Variants in BACH2 observed in about 807,000 individuals in gnomAD.
BACH2 encodes the protein transcription regulator protein BACH2.
A neutral mutation model predicts 61.8 loss-of-function variants in BACH2; 5 were observed. That is an observed-to-expected ratio of 0.08 (90% CI 0.04 to 0.17). The LOEUF (loss-of-function observed/expected upper bound fraction) is 0.17. BACH2 is among the 10% of genes least tolerant of loss of function. The pLI is 1.00. For synonymous variants in BACH2, 446 were observed against 440.1 expected, an observed-to-expected ratio of 1.01 and a Z score of -0.17; for missense variants, 824 against 1,091.1, an observed-to-expected ratio of 0.76 and a Z score of 3.45.
intron 4 of BACH2, among the ~76,000 whole-genome samples, chr6:90,132,990 C>T (rs1784127969): frequency 6.6e-6 from 1 of 152,176 alleles, no homozygotes; most frequent in Non-Finnish European, 1.5e-5. Flanking sequence ...GAACGTGCAG[C>T]CCAGATCTGG....
rs77175037 is a variant in BACH2, at chr6:90,029,815, T to C, written c.-12-20959A>G. 5.8e-3 allele frequency among the ~76,000 whole-genome samples: 888 copies of C among 152,292 alleles called. 52 individuals are homozygous for C. The East Asian group carries it at 0.13, about 23-fold the overall frequency. ...TTCTGGGCCTCAAGGTCGCCTTGCC[T>C]ATCCATTTATCCACAGAAAACTTAC... is the stretch of plus-strand genomic sequence containing the variant. On this transcript the variant is annotated intron_variant, in intron 5 of 8. Coordinates refer to ENST00000257749, the MANE Select transcript of BACH2 (RefSeq NM_021813.4).
At chr6:90,243,046 ATTTTTTTTTTTT>A (rs397886318) in intron 3 of BACH2, among the ~76,000 whole-genome samples, 1 of 101,230 alleles carries the variant, frequency 9.9e-6, no homozygotes, top group African/African-American at 3.7e-5. Flanking sequence ...TGCCCGGCTA[ATTTTTTTTTTTT>A]TTTTTTTTTT....
intron 3 of BACH2, among the ~76,000 whole-genome samples, chr6:90,238,238 C>T (rs1489278237): frequency 1.3e-5 from 2 of 152,082 alleles, no homozygotes; most frequent in East Asian, 3.9e-4. Flanking sequence ...GATCATCTAT[C>T]TATGTTGGGA....
At chr6:90,024,878 G>A (rs917538013) in intron 5 of BACH2, among the ~76,000 whole-genome samples, 8 of 152,122 alleles carry the variant, frequency 5.3e-5, no homozygotes, top group African/African-American at 1.7e-4. Context: ...GCAATAGTTC[G>A]GCATTCTCTT....
intron 4 of BACH2, among the ~76,000 whole-genome samples, chr6:90,192,446 T>A (rs1456479770): frequency 6.6e-6 from 1 of 152,200 alleles, no homozygotes; most frequent in Non-Finnish European, 1.5e-5. Context: ...AAAACCCACG[T>A]TCAACCTTCA....
At chr6:90,254,274 G>GCA (rs1278512439) in intron 2 of BACH2, among the ~76,000 whole-genome samples, 1 of 151,668 alleles carries the variant, frequency 6.6e-6, no homozygotes, top group Non-Finnish European at 1.5e-5. Flanking sequence ...TAAGTATACA[G>GCA]CATAATTTGT....
intron 4 of BACH2, among the ~76,000 whole-genome samples, chr6:90,096,996 G>A (rs1782407486): frequency 6.6e-6 from 1 of 152,162 alleles, no homozygotes; most frequent in Non-Finnish European, 1.5e-5. Context: ...GCACTGTCAG[G>A]GCTGACTCCT....
intron 5 of BACH2, among the ~76,000 whole-genome samples, chr6:90,034,386 T>C (rs989010785): frequency 2.6e-5 from 4 of 152,156 alleles, no homozygotes; most frequent in African/African-American, 9.7e-5. Flanking sequence ...GACTCTGTAG[T>C]CTTCACAGAG....
intron 4 of BACH2, among the ~76,000 whole-genome samples, chr6:90,102,335 A>C (rs1782668030): frequency 6.6e-6 from 1 of 152,192 alleles, no homozygotes; most frequent in Non-Finnish European, 1.5e-5. Context: ...GTATTATAAA[A>C]AGAGGTCAGG....
intron 4 of BACH2, among the ~76,000 whole-genome samples, chr6:90,133,150 T>C (rs1443199787): frequency 6.6e-6 from 1 of 152,256 alleles, no homozygotes; most frequent in African/African-American, 2.4e-5. Flanking sequence ...TTTCTACTTT[T>C]TTATATTTTC....
chr6:90,296,293 G>C (rs1329823873), intron 1 of BACH2, among the ~76,000 whole-genome samples, 187 bp downstream of exon 1: 1 of 151,610 alleles, frequency 6.6e-6, no homozygotes, highest in Admixed American at 6.6e-5. Context: ...CCCCCTTCCC[G>C]TTCCTAGAAA....
At chr6:90,039,183 A>T (rs527759372) in intron 5 of BACH2, among the ~76,000 whole-genome samples, 1 of 152,300 alleles carries the variant, frequency 6.6e-6, no homozygotes, top group African/African-American at 2.4e-5. Context: ...CCAATTCTCT[A>T]TTGGCAGCTA....
intron 7 of BACH2, among the ~76,000 whole-genome samples, chr6:89,942,727 A>G (rs768945709): frequency 1.3e-5 from 2 of 152,210 alleles, no homozygotes; most frequent in Non-Finnish European, 2.9e-5. Context: ...TTTGGTTCTC[A>G]GTGGAGAATC....
At chr6:90,071,338 C>T (rs1023852994) in intron 5 of BACH2, among the ~76,000 whole-genome samples, 24 of 152,186 alleles carry the variant, frequency 1.6e-4, no homozygotes, top group African/African-American at 5.8e-4. Flanking sequence ...TGCAGTACAG[C>T]ATAATAAGTT....
At chr6:90,211,795 G>A (rs2127851916) in intron 3 of BACH2, among the ~76,000 whole-genome samples, 1 of 152,232 alleles carries the variant, frequency 6.6e-6, no homozygotes, top group South Asian at 2.1e-4. Context: ...CACTCCTGTG[G>A]GAGATAGATA....
At chr6:89,968,499 A>G (rs1026888592) in intron 6 of BACH2, among the ~76,000 whole-genome samples, 1 of 152,256 alleles carries the variant, frequency 6.6e-6, no homozygotes, top group Non-Finnish European at 1.5e-5. Flanking sequence ...AATTAACAAA[A>G]GTCCACGTTT....
intron 4 of BACH2, among the ~76,000 whole-genome samples, chr6:90,149,269 G>C (rs1784729428): frequency 6.6e-6 from 1 of 152,166 alleles, no homozygotes; most frequent in Non-Finnish European, 1.5e-5. Context: ...TATGTAAAAG[G>C]CTCATGTTTA....
chr6:89,951,334 G>A lies in BACH2; in HGVS notation c.772C>T (p.Arg258Trp), dbSNP rs1218269017. 1.9e-6 allele frequency: 3 copies of A among 1,614,160 alleles called. No homozygotes were observed. The highest frequency in any genetic ancestry group is 1.1e-5 in the South Asian group (1 of 91,090). The change falls in exon 7 of 9, where the codon CGG becomes TGG. Residue 258 changes from arginine (R) to tryptophan (W), a missense_variant. Around this residue, in one of 8 missense-constraint regions of BACH2, gnomAD observed 226 missense variants for 228.5 expected, o/e 0.99. Transcript: ENST00000257749. This position sits in a 1 kb window ranked among gnomAD's most constrained non-coding sequence, Gnocchi z 6.4. Reference sequence around the variant, plus strand: ...AGGCTGTTGCTAGAGTTATCTTCCCGGAATGTGCTTGCAAAACCTGAGGTA... The same window carrying A: ...AGGCTGTTGCTAGAGTTATCTTCCCAGAATGTGCTTGCAAAACCTGAGGTA... ...HSTSGFASTFREDNSSNSLKP... is the reference protein window; with the variant it reads ...HSTSGFASTFWEDNSSNSLKP...
chr6:90,202,187 G>A (rs1041088156), intron 4 of BACH2, among the ~76,000 whole-genome samples: 1 of 152,178 alleles, frequency 6.6e-6, no homozygotes, highest in African/African-American at 2.4e-5. Flanking sequence ...TGGAGCTGAT[G>A]TTTTACCAAC....
Sources: gnomAD v4.1 joint callset for allele counts (sites outside exome capture counted in the v4.1 genomes callset) on GRCh38, gnomAD v4.1.1 for gene constraint, gnomAD v4.1.1 regional missense constraint, Gnocchi (gnomAD v3.1) non-coding constraint, MANE v1.5 for transcripts, NCBI Gene and HGNC (gene_info 2026-07-23, HGNC 2026-07-21) for gene names.